LRRTM1: variants seen among roughly 807,000 people sequenced by gnomAD.
LRRTM1 encodes the protein leucine-rich repeat transmembrane neuronal protein 1.
A neutral mutation model predicts 37.3 loss-of-function variants in LRRTM1; 8 were observed. That is an observed-to-expected ratio of 0.21 (90% CI 0.13 to 0.39). The LOEUF (loss-of-function observed/expected upper bound fraction) is 0.39. Among genes scored for constraint, LRRTM1 ranks in the 10% least tolerant of loss-of-function variants. The pLI is 1.00. For missense variants in LRRTM1, 557 were observed against 691.0 expected (o/e 0.81, Z 2.17); for synonymous variants, 326 against 316.8 (o/e 1.03, Z -0.31).
chr2:80,292,699 G>A (rs143747804), intron 2 of LRRTM1, among the ~76,000 whole-genome samples: 85 of 152,254 alleles, frequency 5.6e-4, no homozygotes, highest in African/African-American at 1.9e-3. Flanking sequence ...CCTCACCTTC[G>A]CAGGTGCAAT....
Position 80,303,498 on chromosome 2 carries a change from C to T in LRRTM1, c.322G>A (p.Ala108Thr), listed in dbSNP as rs558646111. The change falls in exon 2 of 2, where the codon GCC (alanine) becomes ACC (threonine). Residue 108 changes from alanine (A) to threonine (T), a missense_variant. By Grantham distance (58) the Ala-to-Thr change is moderately conservative. Around this residue, in one of 5 missense-constraint regions of LRRTM1, gnomAD observed 140 missense variants for 138.1 expected, o/e 1.01. Coordinates refer to ENST00000295057, the MANE Select transcript of LRRTM1 (RefSeq NM_178839.5). This position sits in a 1 kb window ranked among gnomAD's most constrained non-coding sequence, Gnocchi z 7.7. ...HNHICSVQGD[A>T]FQKLRRVKEL... ...TTAACTCGGCGCAGTTTCTGAAAGG[C>T]GTCCCCCTGCACGGAGCAGATGTGA... 1.2e-5 allele frequency: 19 copies of T among 1,614,248 alleles called. No homozygotes were observed. The highest frequency in any genetic ancestry group is 8.9e-5 in the East Asian group (4 of 44,874).
In LRRTM1 at chr2:80,303,940, C is replaced by T; in HGVS notation, c.-59-62G>A. ...GGAGGGGGAGAAAAGGGCAAAAAAT[C>T]AAATAAATACATAGAAATAAAGAAG... On this transcript the variant is annotated intron_variant, in intron 1 of 1. Transcript: ENST00000295057. The surrounding 1 kb of genome is among the most constrained non-coding windows in gnomAD (Gnocchi z 7.7). The T allele has an allele frequency of 8.5e-7, 1 of 1,176,500 alleles. No individual in the cohort carries two copies. Among genetic ancestry groups the T allele is most frequent in the East Asian group, 2.7e-5 (1 of 37,080 alleles). The allele number at this position is 1,176,500 out of a possible 1,614,324, so 72.9% of individuals were successfully genotyped here.
downstream of LRRTM1, among the ~76,000 whole-genome samples, chr2:80,300,284 GT>G (rs879846991): frequency 0.098 from 1,182 of 12,070 alleles, 4 homozygotes; most frequent in African/African-American, 0.2. Context: ...GTGTTGGGGT[GT>G]GTGTGTGTGT....
At position 80,302,219 on chromosome 2, in the gene LRRTM1, G is replaced by C; in HGVS notation, c.*32C>G. ...CCGTCCCGGCTGCCCAGGCGTATTT[G>C]GTAGCGCATGGGTTGAGAGCCACTG... On this transcript the variant is annotated 3_prime_UTR_variant, in exon 2 of 2. Transcript: ENST00000295057. The surrounding 1 kb of genome is among the most constrained non-coding windows in gnomAD (Gnocchi z 6.4). 1 of 1,593,186 alleles carries C rather than the reference G, an allele frequency of 6.3e-7. No homozygotes were observed. The highest frequency in any genetic ancestry group is 8.6e-7 in the Non-Finnish European group (1 of 1,168,934).
intron 2 of LRRTM1, among the ~76,000 whole-genome samples, chr2:80,289,577 G>C (rs1316179298): frequency 6.6e-6 from 1 of 152,154 alleles, no homozygotes; most frequent in Admixed American, 6.5e-5. Flanking sequence ...TGGTGATGGG[G>C]CAGGAGTGGG....
rs528489978 is a variant in LRRTM1, at chr2:80,301,916, CAA to C, written c.*333_*334del. 190 of 140,972 alleles carry C rather than the reference CAA, an allele frequency of 1.3e-3. No homozygotes were observed. Among genetic ancestry groups the C allele is most frequent in the Non-Finnish European group, 1.6e-3 (119 of 72,482 alleles). 8.7% of individuals were successfully genotyped at this position (140,972 alleles called of 1,614,324 possible). A position where few individuals can be genotyped will look rare whatever the true frequency, so the allele number is the denominator to read the frequency against. ...ATTTTATTTTAAACATTTTAGTTTA[CAA>C]AAAAAAAAAAAATCAATGATTGGTA... On this transcript the variant is annotated 3_prime_UTR_variant, in exon 2 of 2. Coordinates refer to ENST00000295057, the MANE Select transcript of LRRTM1 (RefSeq NM_178839.5).
In LRRTM1 at chr2:80,302,148, C is replaced by A. The variant is rs1676379118; in HGVS notation, c.*103G>T. The A allele has an allele frequency of 1.4e-6, 2 of 1,400,862 alleles. No homozygotes were observed. Among genetic ancestry groups the A allele is most frequent in the African/African-American group, 2.9e-5 (2 of 69,498 alleles). The allele number at this position is 1,400,862 out of a possible 1,614,324, so 86.8% of individuals were successfully genotyped here. On this transcript the variant is annotated 3_prime_UTR_variant, in exon 2 of 2. Transcript: ENST00000295057. The surrounding 1 kb of genome is among the most constrained non-coding windows in gnomAD (Gnocchi z 6.4). ...TCCCCTTAAAGTTTCAGTCAAGGAG[C>A]ATATCAGAGCACAGACAAGGAGACC...
chr2:80,303,364 G>T lies in LRRTM1; in HGVS notation c.456C>A (p.Leu152=). Residue 152 remains leucine, a synonymous_variant, in exon 2 of 2, where the codon CTC becomes CTA. Transcript: ENST00000295057. The surrounding 1 kb of genome is among the most constrained non-coding windows in gnomAD (Gnocchi z 7.7). The part of the protein sequence containing the change: ...VDLSYNKLQA[L]APDLFHGLRK... ...GCAGCCCGTGGAAGAGGTCGGGCGC[G>T]AGCGCCTGCAGCTTGTTGTACGAGA... 4 of 1,614,104 alleles carry T rather than the reference G, an allele frequency of 2.5e-6. No individual in the cohort carries two copies. Among genetic ancestry groups the T allele is most frequent in the African/African-American group, 2.7e-5 (2 of 75,060 alleles).
rs1427602125 is a variant in LRRTM1, at chr2:80,302,710, G to A, written c.1110C>T (p.Thr370=). The change falls in exon 2 of 2, where the codon ACC becomes ACT. Residue 370 remains threonine, a synonymous_variant. Transcript: ENST00000295057. This position sits in a 1 kb window ranked among gnomAD's most constrained non-coding sequence, Gnocchi z 6.4. ...FHLCEDGAEP[T]SGHLLSAVTN... is the part of the protein sequence containing the mutation. ...TGACGGCCGAGAGCAGGTGGCCGCT[G>A]GTGGGCTCGGCCCCATCCTCGCACA... 1 of 1,612,792 alleles carries A rather than the reference G, an allele frequency of 6.2e-7. No homozygotes were observed. The highest frequency in any genetic ancestry group is 1.3e-5 in the African/African-American group (1 of 75,044).
In LRRTM1 at chr2:80,303,313, C is replaced by G. The variant is rs778388158; in HGVS notation, c.507G>C (p.Arg169=). ...GLRKLTTLHM[R]ANAIQFVPVR... is the part of the protein sequence containing the mutation. ...CGGGCACAAACTGGATGGCGTTGGCCCGCATATGCAGCGTGGTGAGCTTCC... is the reference window on the plus strand; with the variant it reads ...CGGGCACAAACTGGATGGCGTTGGCGCGCATATGCAGCGTGGTGAGCTTCC... The change falls in exon 2 of 2, where the codon CGG becomes CGC. Residue 169 remains arginine, a synonymous_variant. Transcript: ENST00000295057. This position sits in a 1 kb window ranked among gnomAD's most constrained non-coding sequence, Gnocchi z 7.7. 18 of 1,613,634 alleles carry G rather than the reference C, an allele frequency of 1.1e-5. No homozygotes were observed. The highest frequency in any genetic ancestry group is 4.5e-5 in the East Asian group (2 of 44,854).
In LRRTM1 at chr2:80,303,049, G is replaced by C; in HGVS notation, c.771C>G (p.Asn257Lys). Residue 257 changes from asparagine to lysine, a missense_variant, in exon 2 of 2, where the codon AAC becomes AAG. Transcript: ENST00000295057. This position sits in a 1 kb window ranked among gnomAD's most constrained non-coding sequence, Gnocchi z 7.7. ...IVVSSLDWVWNLEKMDLSGNE... is the reference protein window; with the variant it reads ...IVVSSLDWVWKLEKMDLSGNE... The stretch of plus-strand genomic sequence containing the variant: ...TGCCCGACAAGTCCATTTTCTCCAG[G>C]TTCCAAACCCAGTCCAGCGAGCTGA... The C allele has an allele frequency of 3.1e-6, 5 of 1,613,862 alleles. No individual in the cohort carries two copies. Among genetic ancestry groups the C allele is most frequent in the Non-Finnish European group, 4.2e-6 (5 of 1,179,990 alleles).
chr2:80,294,015 A>G (rs1192960882), intron 2 of LRRTM1, among the ~76,000 whole-genome samples: 1 of 152,102 alleles, frequency 6.6e-6, no homozygotes, highest in Non-Finnish European at 1.5e-5. Flanking sequence ...TTTTCCAGGA[A>G]TCCTCCTAAA....
rs534469345 is a variant in LRRTM1 at position 80,303,086 on chromosome 2, A to G, written c.734T>C (p.Val245Ala). Residue 245 changes from valine to alanine, a missense_variant, in exon 2 of 2, where the codon GTG (valine) becomes GCG (alanine). Physicochemically the swap from Val to Ala is moderately conservative, Grantham distance 64. This residue lies in a region of LRRTM1 where 200 missense variants were observed against 249.9 expected (regional missense o/e 0.80). Coordinates refer to ENST00000295057, the MANE Select transcript of LRRTM1 (RefSeq NM_178839.5). The surrounding 1 kb of genome is among the most constrained non-coding windows in gnomAD (Gnocchi z 7.7). ...GTCCAGCGAGCTGACCACAATGGCC[A>G]CCTTGTTCCTCCGCAGGCAGAGCGA... is the stretch of plus-strand genomic sequence containing the variant. ...LHSLCLRRNK[V>A]AIVVSSLDWV... 4.3e-6 allele frequency: 7 copies of G among 1,613,956 alleles called. No homozygotes were observed. In the East Asian group the frequency reaches 1.6e-4, roughly 36 times the overall value.
At chr2:80,290,208 CTAAT>C (rs535108772) in intron 2 of LRRTM1, among the ~76,000 whole-genome samples, 587 of 152,278 alleles carry the variant, frequency 3.9e-3, no homozygotes, top group Middle Eastern at 6.8e-3. Context: ...GAAGCTCTGT[CTAAT>C]TAATTCCATG....
intron 2 of LRRTM1, among the ~76,000 whole-genome samples, chr2:80,295,159 T>A (rs1293888817): frequency 6.6e-6 from 1 of 152,068 alleles, no homozygotes; most frequent in Non-Finnish European, 1.5e-5. Context: ...TAGAAAGGTC[T>A]CTCAATTCCT....
rs777944232 is a variant in LRRTM1 at position 80,302,748 on chromosome 2, A to C, written c.1072T>G (p.Tyr358Asp). The C allele has an allele frequency of 8.7e-6, 14 of 1,613,168 alleles. No individual in the cohort carries two copies. The highest frequency in any genetic ancestry group is 1.7e-5 in the Admixed American group (1 of 60,000). ...AQGEDVLDAVYAFHLCEDGAE... is the reference protein window; with the variant it reads ...AQGEDVLDAVDAFHLCEDGAE... ...CCATCCTCGCACAGGTGGAAGGCGT[A>C]CACGGCGTCCAGGACGTCCTCGCCC... Residue 358 changes from tyrosine to aspartate, a missense_variant, in exon 2 of 2, where the codon TAC becomes GAC. By Grantham distance (160) the Tyr-to-Asp change is radical. Around this residue, in one of 5 missense-constraint regions of LRRTM1, gnomAD observed 89 missense variants for 80.7 expected, o/e 1.10. Coordinates refer to ENST00000295057, the MANE Select transcript of LRRTM1 (RefSeq NM_178839.5). This position sits in a 1 kb window ranked among gnomAD's most constrained non-coding sequence, Gnocchi z 6.4.
intron 2 of LRRTM1, among the ~76,000 whole-genome samples, chr2:80,296,325 C>T (rs2149191722): frequency 6.6e-6 from 1 of 152,148 alleles, no homozygotes; most frequent in East Asian, 1.9e-4. Flanking sequence ...GAAGGAATAT[C>T]AAGTTTCTCA....
intron 2 of LRRTM1, among the ~76,000 whole-genome samples, chr2:80,290,580 T>G (rs1675149525): frequency 6.6e-6 from 1 of 151,858 alleles, no homozygotes; most frequent in Non-Finnish European, 1.5e-5. Context: ...ACTGCCCCCT[T>G]GAAAATACTA....
At position 80,302,748 on chromosome 2, in the gene LRRTM1, A is replaced by G. The variant is rs777944232; in HGVS notation, c.1072T>C (p.Tyr358His). Residue 358 changes from tyrosine (Y) to histidine (H), a missense_variant, in exon 2 of 2, where the codon TAC (tyrosine) becomes CAC (histidine). Tyr to His is a moderately conservative substitution (Grantham distance 83). Around this residue, in one of 5 missense-constraint regions of LRRTM1, gnomAD observed 89 missense variants for 80.7 expected, o/e 1.10. Coordinates refer to ENST00000295057, the MANE Select transcript of LRRTM1 (RefSeq NM_178839.5). The surrounding 1 kb of genome is among the most constrained non-coding windows in gnomAD (Gnocchi z 6.4). Reference protein sequence around the residue: ...AQGEDVLDAVYAFHLCEDGAE... With the variant: ...AQGEDVLDAVHAFHLCEDGAE... ...CCATCCTCGCACAGGTGGAAGGCGTACACGGCGTCCAGGACGTCCTCGCCC... is the reference window on the plus strand; with the variant it reads ...CCATCCTCGCACAGGTGGAAGGCGTGCACGGCGTCCAGGACGTCCTCGCCC... 6.2e-7 allele frequency: 1 copy of G among 1,613,168 alleles called. No individual in the cohort carries two copies.
Sources: allele counts gnomAD v4.1 joint callset (sites outside exome capture counted in the v4.1 genomes callset), GRCh38; gene constraint gnomAD v4.1.1; regional missense constraint gnomAD v4.1.1; non-coding constraint Gnocchi (gnomAD v3.1); transcripts MANE v1.5; gene names NCBI Gene and HGNC (gene_info 2026-07-23, HGNC 2026-07-21).